Variants in DCP1A observed in about 807,000 individuals in gnomAD.
DCP1A encodes decapping mRNA 1A.
In DCP1A, 20 loss-of-function variants were observed where a neutral mutation model predicts 58.0. The observed-to-expected ratio is 0.34, with a 90% CI of 0.24 to 0.50. The LOEUF (loss-of-function observed/expected upper bound fraction) is 0.50. Ranked by LOEUF, DCP1A falls within the 20% of genes least tolerant of loss-of-function variation. DCP1A has a pLI of 0.98. For synonymous variants in DCP1A, 285 were observed against 275.1 expected, an observed-to-expected ratio of 1.04 and a Z score of -0.36; for missense variants, 613 against 712.2, an observed-to-expected ratio of 0.86 and a Z score of 1.59.
At chr3:53,329,456 A>C (rs114726241) in intron 3 of DCP1A, 168 of 398,434 alleles carry the variant, frequency 4.2e-4, no homozygotes, top group Non-Finnish European at 6.5e-4. Context: ...TAAGTTCTTA[A>C]AAATATTAAA....
chr3:53,295,460 A>G (rs1553686667), intron 6 of DCP1A, among the ~76,000 whole-genome samples: 3 of 148,864 alleles, frequency 2.0e-5, no homozygotes. Flanking sequence ...CAATTTCTTC[A>G]TATTTTTACT....
Position 53,312,353 on chromosome 3 carries a change from G to A in DCP1A, c.398C>T (p.Ser133Phe). ...ADVVEEETRR[S>F]QQAARDKQSP... is the part of the protein sequence containing the mutation. ...CTGTTTGTCCCGAGCAGCTTGCTGG[G>A]ATCGCCGTGTCTCCTCTTCTACCAC... is the stretch of plus-strand genomic sequence containing the variant. The change falls in exon 5 of 10, where the codon TCC becomes TTC. Residue 133 changes from serine to phenylalanine, a missense_variant. Physicochemically the swap from Ser to Phe is radical, Grantham distance 155 (BLOSUM62 -2). Around this residue, in one of 3 missense-constraint regions of DCP1A, gnomAD observed 498 missense variants for 556.7 expected, o/e 0.89. Transcript: ENST00000610213. 1 of 1,611,156 alleles carries A rather than the reference G, an allele frequency of 6.2e-7. No individual in the cohort carries two copies. Among genetic ancestry groups the A allele is most frequent in the South Asian group, 1.1e-5 (1 of 90,732 alleles).
chr3:53,339,481 A>T (rs190299669), intron 3 of DCP1A, among the ~76,000 whole-genome samples: 1 of 152,384 alleles, frequency 6.6e-6, no homozygotes, highest in Non-Finnish European at 1.5e-5. Context: ...GTGGAGTTAA[A>T]GTTATAAAAT....
intron 3 of DCP1A, among the ~76,000 whole-genome samples, chr3:53,327,271 T>C (rs1205584830): frequency 6.6e-6 from 1 of 152,154 alleles, no homozygotes; most frequent in African/African-American, 2.4e-5. Context: ...TAAGCACAAA[T>C]ACCTCACGGA....
At chr3:53,341,084 A>C (rs1297672454) in intron 3 of DCP1A, among the ~76,000 whole-genome samples, 2 of 152,098 alleles carry the variant, frequency 1.3e-5, no homozygotes, top group African/African-American at 4.8e-5. Flanking sequence ...ACTTAGAAAC[A>C]TATTCAGACA....
At chr3:53,305,564 G>A (rs1353667347) in intron 5 of DCP1A, among the ~76,000 whole-genome samples, 1 of 151,970 alleles carries the variant, frequency 6.6e-6, no homozygotes, top group African/African-American at 2.4e-5. Context: ...TGGCCAGGCT[G>A]GTCTCGAACT....
At chr3:53,308,611 T>C (rs1707546287) in intron 5 of DCP1A, among the ~76,000 whole-genome samples, 1 of 152,060 alleles carries the variant, frequency 6.6e-6, no homozygotes, top group South Asian at 2.1e-4. Context: ...TTTTTCTTTT[T>C]AAGAAACAGA....
Position 53,283,737 on chromosome 3 carries a change from A to G in DCP1A, c.*3843T>C, listed in dbSNP as rs1453174064. On this transcript the variant is annotated 3_prime_UTR_variant, in exon 10 of 10. Coordinates refer to ENST00000610213, the MANE Select transcript of DCP1A (RefSeq NM_018403.7). ...CAGAATAAAAAACCATTTAGAACAC[A>G]TATTTTAAAAACATGTTTCTTAAGG... The G allele has an allele frequency of 2.0e-5, 3 of 152,262 alleles. No individual in the cohort carries two copies. Among genetic ancestry groups the G allele is most frequent in the African/African-American group, 7.2e-5 (3 of 41,472 alleles). 9.4% of individuals were successfully genotyped at this position (152,262 alleles called of 1,614,324 possible).
intron 6 of DCP1A, among the ~76,000 whole-genome samples, chr3:53,295,279 A>G (rs1707082556): frequency 6.6e-6 from 1 of 152,206 alleles, no homozygotes; most frequent in South Asian, 2.1e-4. Context: ...AAGAGGCAAG[A>G]ACCTCCCACA....
At chr3:53,327,814 CA>C (rs11308178) in intron 3 of DCP1A, among the ~76,000 whole-genome samples, 107,029 of 150,784 alleles carry the variant, frequency 0.71, 38,625 homozygotes, top group Non-Finnish European at 0.77. Flanking sequence ...AAAACAACAA[CA>C]AAAAAACAAC....
In DCP1A at chr3:53,344,960, T is replaced by C. The variant is rs782668498; in HGVS notation, c.136-18A>G. The C allele has an allele frequency of 1.9e-6, 3 of 1,596,460 alleles. No individual in the cohort carries two copies. Among genetic ancestry groups the C allele is most frequent in the Middle Eastern group, 1.7e-4 (1 of 6,016 alleles). ...GTCTTCTCCTATGAAAGACAATGAC[T>C]CAATTAGTTTTTTTTCCCCATAATC... On this transcript the variant is annotated intron_variant, in intron 1 of 9. Transcript: ENST00000610213.
At chr3:53,293,008 T>C (rs1214353227) in intron 6 of DCP1A, among the ~76,000 whole-genome samples, 181 bp from the exon 7 acceptor site, 7 of 152,072 alleles carry the variant, frequency 4.6e-5, no homozygotes, top group African/African-American at 1.7e-4. Flanking sequence ...TGTCCCCAGG[T>C]TGGTGGATGG....
At chr3:53,310,205 A>G (rs1707602780) in intron 5 of DCP1A, among the ~76,000 whole-genome samples, 1 of 152,234 alleles carries the variant, frequency 6.6e-6, no homozygotes, top group Non-Finnish European at 1.5e-5. Context: ...ACGATATTTT[A>G]TTCCATAGTG....
chr3:53,301,219 T>C (rs782708798), intron 6 of DCP1A, among the ~76,000 whole-genome samples: 1 of 152,164 alleles, frequency 6.6e-6, no homozygotes, highest in African/African-American at 2.4e-5. Context: ...TTTGGATACA[T>C]TGTTGATGTG....
At chr3:53,341,168 T>G (rs1442715239) in intron 3 of DCP1A, among the ~76,000 whole-genome samples, 1 of 151,470 alleles carries the variant, frequency 6.6e-6, no homozygotes, top group African/African-American at 2.4e-5. Flanking sequence ...AAAATAATAT[T>G]TTCTGGCCGG....
At chr3:53,306,636 T>C (rs563760944) in intron 5 of DCP1A, among the ~76,000 whole-genome samples, 10 of 151,404 alleles carry the variant, frequency 6.6e-5, no homozygotes, top group African/African-American at 2.4e-4. Flanking sequence ...CCAGGCGTGG[T>C]GGTGGGCGCC....
At chr3:53,333,019 A>G (rs2089041254) in intron 3 of DCP1A, 3 of 152,102 alleles carry the variant, frequency 2.0e-5, no homozygotes, top group Admixed American at 6.6e-5. Flanking sequence ...AAAAAAATGT[A>G]AATTCTCTAA....
chr3:53,345,357 C>T (rs542266324), intron 1 of DCP1A, among the ~76,000 whole-genome samples: 5 of 152,176 alleles, frequency 3.3e-5, no homozygotes, highest in Admixed American at 2.0e-4. Flanking sequence ...AGGAATGAAA[C>T]TTTCTTATAG....
chr3:53,312,852 G>T (rs1393557845), intron 4 of DCP1A, among the ~76,000 whole-genome samples: 1 of 152,090 alleles, frequency 6.6e-6, no homozygotes. Context: ...AGAAATAAAT[G>T]ACTTACCATT....
Sources: allele counts gnomAD v4.1 joint callset (sites outside exome capture counted in the v4.1 genomes callset), GRCh38; gene constraint gnomAD v4.1.1; regional missense constraint gnomAD v4.1.1; transcripts MANE v1.5; gene names NCBI Gene and HGNC (gene_info 2026-07-23, HGNC 2026-07-21).